ZNF385D: variants seen among roughly 807,000 people sequenced by gnomAD.
ZNF385D encodes the protein zinc finger protein 385D.
In ZNF385D, 15 loss-of-function variants were observed where a neutral mutation model predicts 35.8. The observed-to-expected ratio is 0.42, with a 90% CI of 0.28 to 0.64. The LOEUF is 0.64. ZNF385D is among the 30% of genes least tolerant of loss of function. The probability of loss-of-function intolerance (pLI) is 0.23; values close to 1 mark genes in which losing one functional copy is unlikely to be tolerated. For missense variants in ZNF385D, 474 were observed against 494.6 expected (o/e 0.96, Z 0.39); for synonymous variants, 212 against 186.8 (o/e 1.13, Z -1.10).
intron 1 of ZNF385D, among the ~76,000 whole-genome samples, chr3:21,747,668 C>G (rs17620655): frequency 0.072 from 10,961 of 152,250 alleles, 527 homozygotes; most frequent in South Asian, 0.12. Context: ...CAACCTTCTG[C>G]CAGGCGCTGA....
chr3:21,590,166 A>G (rs2063928261), intron 2 of ZNF385D, among the ~76,000 whole-genome samples: 1 of 152,194 alleles, frequency 6.6e-6, no homozygotes, highest in Non-Finnish European at 1.5e-5. Flanking sequence ...ACACAGCACA[A>G]TAAGAAAGGA....
At chr3:22,293,240 T>C (rs770128208) in intron 2 of ZNF385D, among the ~76,000 whole-genome samples, 8 of 152,062 alleles carry the variant, frequency 5.3e-5, no homozygotes, top group Non-Finnish European at 1.0e-4. Flanking sequence ...GCAAGCCCCA[T>C]TATTAGGGCA....
At chr3:21,860,536 T>C (rs1255411472) in intron 3 of ZNF385D, among the ~76,000 whole-genome samples, 1 of 152,076 alleles carries the variant, frequency 6.6e-6, no homozygotes, top group East Asian at 1.9e-4. Context: ...TATCCCCACA[T>C]CAACATCAGT....
At chr3:22,289,461 A>G (rs568775742) in intron 2 of ZNF385D, among the ~76,000 whole-genome samples, 17 of 152,322 alleles carry the variant, frequency 1.1e-4, no homozygotes, top group African/African-American at 4.1e-4. Context: ...TCAGTCTTCC[A>G]AAGGTTTATT....
At chr3:22,091,990 G>A (rs1446680550) in intron 3 of ZNF385D, among the ~76,000 whole-genome samples, 6 of 152,136 alleles carry the variant, frequency 3.9e-5, no homozygotes, top group Admixed American at 6.6e-5. Context: ...TTTGGAAAAG[G>A]ATGAAAAATA....
chr3:21,773,600 A>C (rs2071166845), intron 3 of ZNF385D, among the ~76,000 whole-genome samples: 1 of 152,058 alleles, frequency 6.6e-6, no homozygotes, highest in African/African-American at 2.4e-5. Context: ...CCCATTAAAA[A>C]GTGGGCAAAG....
chr3:21,578,586 G>A (rs2063561213), intron 2 of ZNF385D, among the ~76,000 whole-genome samples: 1 of 152,044 alleles, frequency 6.6e-6, no homozygotes. Flanking sequence ...TTATCTAAGA[G>A]ACTGTCCTGC....
chr3:21,592,681 T>C (rs1379865532), intron 2 of ZNF385D, among the ~76,000 whole-genome samples: 1 of 152,020 alleles, frequency 6.6e-6, no homozygotes, highest in Admixed American at 6.5e-5. Flanking sequence ...TCAAATCAGA[T>C]CGTTTAGAGG....
In ZNF385D at chr3:21,881,144, T is replaced by C. The variant is rs185919355; in HGVS notation, c.326-216116A>G. Among the ~76,000 whole-genome samples, 104 of 152,086 alleles carry C rather than the reference T, an allele frequency of 6.8e-4. 2 individuals carry two copies. The East Asian group carries it at 0.016, about 24-fold the overall frequency. On this transcript the variant is annotated intron_variant, in intron 3 of 5. Transcript: ENST00000494108. The stretch of plus-strand genomic sequence containing the variant: ...GATCCAGAAGACTTAGCTAAGGTCA[T>C]TGATGAAGGAAGCTACAGTACACAA...
At chr3:21,883,233 T>C (rs962561377) in intron 3 of ZNF385D, among the ~76,000 whole-genome samples, 9 of 152,006 alleles carry the variant, frequency 5.9e-5, no homozygotes, top group Non-Finnish European at 8.8e-5. Context: ...ATTTGATCTG[T>C]AAGAATTTGT....
At chr3:22,121,738 G>A (rs1474913105) in intron 3 of ZNF385D, among the ~76,000 whole-genome samples, 1 of 151,354 alleles carries the variant, frequency 6.6e-6, no homozygotes, top group Non-Finnish European at 1.5e-5. Flanking sequence ...CCTGTACCTG[G>A]GCATTTTAAA....
chr3:21,498,146 G>C (rs1328874885), intron 4 of ZNF385D, among the ~76,000 whole-genome samples: 1 of 152,104 alleles, frequency 6.6e-6, no homozygotes, highest in Non-Finnish European at 1.5e-5. Context: ...AAATGGTACT[G>C]GGATAAGTAG....
chr3:22,253,224 C>T (rs1409722060), intron 2 of ZNF385D, among the ~76,000 whole-genome samples: 3 of 151,924 alleles, frequency 2.0e-5, no homozygotes, highest in Admixed American at 2.0e-4. Context: ...TTAGAAAGGG[C>T]TGTTCAGAAG....
At chr3:21,701,010 T>C (rs1478199312) in intron 1 of ZNF385D, among the ~76,000 whole-genome samples, 3 of 152,190 alleles carry the variant, frequency 2.0e-5, no homozygotes, top group Non-Finnish European at 4.4e-5. Flanking sequence ...TGCACTCTTT[T>C]GCACTCTTCT....
intron 2 of ZNF385D, among the ~76,000 whole-genome samples, chr3:22,333,778 C>A (rs1695042573): frequency 6.6e-6 from 1 of 152,154 alleles, no homozygotes; most frequent in African/African-American, 2.4e-5. Flanking sequence ...TGATTTCTCC[C>A]CTCTGAGTTG....
chr3:22,102,689 C>A lies in ZNF385D; in HGVS notation c.325+66128G>T, dbSNP rs373538834. On this transcript the variant is annotated intron_variant, in intron 3 of 5. Coordinates refer to the ZNF385D transcript ENST00000494108. Reference sequence around the variant, plus strand: ...AAAGAAAAAGAATAAAGGCCTTAACCTATATTTAAACTTAGAAGGGGTTTT... The same window carrying A: ...AAAGAAAAAGAATAAAGGCCTTAACATATATTTAAACTTAGAAGGGGTTTT... 1.6e-4 allele frequency among the ~76,000 whole-genome samples: 25 copies of A among 152,058 alleles called. No individual in the cohort carries two copies. The East Asian group carries it at 4.6e-3, about 28-fold the overall frequency.
At position 21,441,737 on chromosome 3, in the gene ZNF385D, T is replaced by A. The variant is rs1033608072; in HGVS notation, c.440-4534A>T. The A allele has an allele frequency of 3.0e-6, 3 of 985,304 alleles. No homozygotes were observed. In the African/African-American group the frequency reaches 5.2e-5, roughly 17 times the overall value. The allele number at this position is 985,304 out of a possible 1,614,324, so 61.0% of individuals were successfully genotyped here. ...CCACAGGGCTTCATTGCACCTTTTT[T>A]TCCCCCTGCAAAAGATGAGAAAGTA... On this transcript the variant is annotated intron_variant, in intron 4 of 7. Coordinates refer to ENST00000281523, the MANE Select transcript of ZNF385D (RefSeq NM_024697.3).
chr3:21,898,828 G>A (rs1338330566), intron 3 of ZNF385D, among the ~76,000 whole-genome samples: 2 of 152,078 alleles, frequency 1.3e-5, no homozygotes, highest in Non-Finnish European at 2.9e-5. Context: ...CATTCATAAA[G>A]ATAATCTCTA....
At chr3:22,168,508 C>G (rs1706482819) in intron 3 of ZNF385D, 1 of 152,220 alleles carries the variant, frequency 6.6e-6, no homozygotes, top group African/African-American at 2.4e-5. Flanking sequence ...GTCCTATACA[C>G]TGTAAAAGGA....
Sources: allele counts gnomAD v4.1 joint callset (sites outside exome capture counted in the v4.1 genomes callset), GRCh38; gene constraint gnomAD v4.1.1; transcripts MANE v1.5; gene names NCBI Gene and HGNC (gene_info 2026-07-23, HGNC 2026-07-21).